The following PLEKHA6 variants were observed in gnomAD, a reference collection of about 807,000 sequenced individuals.
PLEKHA6 encodes the protein pleckstrin homology domain containing A6.
A neutral mutation model predicts 116.7 loss-of-function variants in PLEKHA6; 60 were observed. The ratio of observed to expected loss-of-function variants is 0.51; its 90% confidence interval spans 0.42 to 0.64. The LOEUF (loss-of-function observed/expected upper bound fraction) is 0.64, where lower values mean the gene tolerates loss of function less well. PLEKHA6 is among the 30% of genes least tolerant of loss of function. The probability of loss-of-function intolerance (pLI) is 0.00; values close to 1 mark genes in which losing one functional copy is unlikely to be tolerated. For missense variants in PLEKHA6, 1,338 were observed against 1,422.7 expected (o/e 0.94, Z 0.96); for synonymous variants, 489 against 556.1 (o/e 0.88, Z 1.70).
chr1:204,228,080 C>T lies in PLEKHA6; in HGVS notation c.3031+3G>A, dbSNP rs377586658. On this transcript the variant is annotated splice_donor_region_variant and intron_variant, in intron 21 of 22. Transcript: ENST00000272203. This position sits in a 1 kb window ranked among gnomAD's most constrained non-coding sequence, Gnocchi z 4.0. ...GGGTGGAGCGAGGCCCAGCCCCTCT[C>T]ACCAGACAGCATGCGGCCCCTGCGG... The T allele has an allele frequency of 5.1e-5, 82 of 1,611,888 alleles. 1 individual carries two copies. Among genetic ancestry groups the T allele is most frequent in the South Asian group, 9.9e-5 (9 of 90,872 alleles).
chr1:204,241,267 C>T (rs1662767181), intron 17 of PLEKHA6, 108 bp downstream of exon 17: 1 of 706,398 alleles, frequency 1.4e-6, no homozygotes, highest in African/African-American at 1.8e-5. Flanking sequence ...CCACCTTCCT[C>T]TCCAGCCCTG....
chr1:204,275,727 C>T (rs1403848290), intron 1 of PLEKHA6: 4 of 985,120 alleles, frequency 4.1e-6, no homozygotes, highest in Middle Eastern at 5.2e-4. Context: ...GCCATAATGG[C>T]AACCCCCAAG....
At chr1:204,272,491 T>G (rs1183734649) in intron 3 of PLEKHA6, among the ~76,000 whole-genome samples, 1 of 152,246 alleles carries the variant, frequency 6.6e-6, no homozygotes, top group African/African-American at 2.4e-5. Flanking sequence ...CACAGTCAAG[T>G]GTCTTTAAAA....
intron 1 of PLEKHA6, among the ~76,000 whole-genome samples, chr1:204,279,593 C>A (rs1668386847): frequency 6.6e-6 from 1 of 152,158 alleles, no homozygotes; most frequent in Admixed American, 6.5e-5. Flanking sequence ...TCAAATTCCA[C>A]CCAAGAGAAG....
intron 1 of PLEKHA6, among the ~76,000 whole-genome samples, chr1:204,340,870 G>C (rs1190497544): frequency 6.6e-6 from 1 of 152,238 alleles, no homozygotes; most frequent in Non-Finnish European, 1.5e-5. Flanking sequence ...GGCTATTTTT[G>C]TTAAGCAGCA....
intron 10 of PLEKHA6, 102 bp from the exon 11 acceptor site, chr1:204,249,366 C>G (rs1664235438): frequency 3.7e-6 from 3 of 816,196 alleles, no homozygotes; most frequent in Non-Finnish European, 6.3e-6. Context: ...TGGATACCCC[C>G]CTCCTTTCTC....
chr1:204,267,517 G>A lies in PLEKHA6; in HGVS notation c.238C>T (p.Arg80Cys), dbSNP rs1279489640. The change falls in exon 5 of 23, where the codon CGC (arginine) becomes TGC (cysteine). Residue 80 changes from arginine to cysteine, a missense_variant. This residue lies in a region of PLEKHA6 where 140 missense variants were observed against 197.4 expected (regional missense o/e 0.71). Transcript: ENST00000272203. ...ASSGVKQWNK[R>C]WFVLVDRCLF... ...CAGCGATCCACCAGGACGAACCAGC[G>A]CTTGTTCCACTGCTTAACCCCGGAG... The A allele has an allele frequency of 3.7e-6, 6 of 1,613,980 alleles. No individual in the cohort carries two copies. Among genetic ancestry groups the A allele is most frequent in the Admixed American group, 3.3e-5 (2 of 60,008 alleles).
intron 1 of PLEKHA6, among the ~76,000 whole-genome samples, chr1:204,285,809 G>A (rs913524492): frequency 1.4e-4 from 22 of 152,236 alleles, no homozygotes; most frequent in Non-Finnish European, 7.3e-5. Context: ...AAGGAGGCTG[G>A]GAGAGAAGAG....
Position 204,317,111 on chromosome 1 carries a change from C to T in PLEKHA6, c.-94-42302G>A, listed in dbSNP as rs1046427304. ...CCTGTAGAATGGAATGGAACCTGTG[C>T]TCACCAAATTCAGCTCTTCTGAGCA... On this transcript the variant is annotated intron_variant, in intron 1 of 22. Coordinates refer to ENST00000272203, the MANE Select transcript of PLEKHA6 (RefSeq NM_014935.5). 15 of 297,320 alleles carry T rather than the reference C, an allele frequency of 5.0e-5. No homozygotes were observed. The Admixed American group carries it at 5.2e-4, about 10-fold the overall frequency. The allele number at this position is 297,320 out of a possible 1,614,324, so 18.4% of individuals were successfully genotyped here.
chr1:204,267,415 G>A (rs1666952494), intron 5 of PLEKHA6, 60 bp downstream of exon 5: 1 of 1,446,830 alleles, frequency 6.9e-7, no homozygotes, highest in South Asian at 1.1e-5. Context: ...ATGGCAGAAT[G>A]AGAAAGAGTA....
At chr1:204,360,397 A>C (rs1356926618), upstream of PLEKHA6, among the ~76,000 whole-genome samples, 4 of 142,304 alleles carry the variant, frequency 2.8e-5, no homozygotes, top group East Asian at 5.2e-4. Context: ...CCCCCCCAAT[A>C]TGGTGAATTT....
rs1156368240 is a variant in PLEKHA6 at position 204,251,502 on chromosome 1, G to A, written c.1525-888C>T. ...ACAAGCAGCTGAAATGGCATTGGCAGGGACCATGCTGCCAGGCAGAGGTCT... is the reference window on the plus strand; with the variant it reads ...ACAAGCAGCTGAAATGGCATTGGCAAGGACCATGCTGCCAGGCAGAGGTCT... On this transcript the variant is annotated intron_variant, in intron 9 of 22. Transcript: ENST00000272203. The A allele has an allele frequency of 4.3e-6, 3 of 701,970 alleles. No individual in the cohort carries two copies. The East Asian group carries it at 8.1e-5, about 19-fold the overall frequency. 43.5% of individuals were successfully genotyped at this position (701,970 alleles called of 1,614,324 possible).
At chr1:204,230,334 C>A (rs1487434104) in intron 18 of PLEKHA6, 79 bp downstream of exon 18, 3 of 1,226,632 alleles carry the variant, frequency 2.4e-6, no homozygotes, top group Non-Finnish European at 3.3e-6. Flanking sequence ...CCCCCCAGGC[C>A]CAAGCTGGCC....
chr1:204,373,171 A>C (rs1471408068), intron 1 of PLEKHA6, among the ~76,000 whole-genome samples: 1 of 147,920 alleles, frequency 6.8e-6, no homozygotes, highest in Admixed American at 6.7e-5. Context: ...GCCTCACTGA[A>C]ATCTCTGCCT....
chr1:204,320,601 T>C (rs1672025438), intron 1 of PLEKHA6: 3 of 492,720 alleles, frequency 6.1e-6, no homozygotes, highest in Non-Finnish European at 7.9e-6. Flanking sequence ...CAGCCCTGTT[T>C]ATGCTGAGCC....
chr1:204,254,823 C>G (rs148347846), intron 9 of PLEKHA6, among the ~76,000 whole-genome samples: 47 of 152,262 alleles, frequency 3.1e-4, no homozygotes, highest in African/African-American at 9.9e-4. Flanking sequence ...TTGTGTACTT[C>G]TAGGTCGTGG....
In PLEKHA6 at chr1:204,354,936, C is replaced by A. The variant is rs149974070; in HGVS notation, c.-95+4758G>T. On this transcript the variant is annotated intron_variant, in intron 1 of 22. Coordinates refer to ENST00000272203, the MANE Select transcript of PLEKHA6 (RefSeq NM_014935.5). ...GTGGAGTATCCTATAAGCCATGCAC[C>A]TGCCAGAAGAAGCCCCCAGCAAGTG... 1.3e-3 allele frequency among the ~76,000 whole-genome samples: 200 copies of A among 152,326 alleles called. No individual in the cohort carries two copies. The Middle Eastern group carries it at 0.014, about 10-fold the overall frequency.
chr1:204,223,933 T>A lies in PLEKHA6; in HGVS notation c.3032-348A>T, dbSNP rs1371834513. On this transcript the variant is annotated intron_variant, in intron 21 of 22. Coordinates refer to ENST00000272203, the MANE Select transcript of PLEKHA6 (RefSeq NM_014935.5). The surrounding 1 kb of genome is among the most constrained non-coding windows in gnomAD (Gnocchi z 4.8). Reference sequence around the variant, plus strand: ...CTACTGTGCAGACAGAACCAGGGAGTGGTACTTTATATACGGCAGTGTCAC... The same window carrying A: ...CTACTGTGCAGACAGAACCAGGGAGAGGTACTTTATATACGGCAGTGTCAC... Among the ~76,000 whole-genome samples the A allele has an allele frequency of 1.3e-5, 2 of 151,434 alleles. No individual in the cohort carries two copies. The highest frequency in any genetic ancestry group is 3.9e-4 in the East Asian group (2 of 5,156).
intron 1 of PLEKHA6, among the ~76,000 whole-genome samples, chr1:204,283,855 G>C (rs1174465750): frequency 3.9e-5 from 6 of 152,230 alleles, no homozygotes; most frequent in Non-Finnish European, 8.8e-5. Flanking sequence ...GGGCATGGAA[G>C]GGCAGCCACA....
Sources: gnomAD v4.1 joint callset for allele counts (sites outside exome capture counted in the v4.1 genomes callset) on GRCh38, gnomAD v4.1.1 for gene constraint, gnomAD v4.1.1 regional missense constraint, Gnocchi (gnomAD v3.1) non-coding constraint, MANE v1.5 for transcripts, NCBI Gene and HGNC (gene_info 2026-07-23, HGNC 2026-07-21) for gene names.